CA10: variants seen among roughly 807,000 people sequenced by gnomAD.
The protein encoded by CA10 is carbonic anhydrase 10 (inactive).
CA10 carries 14 observed loss-of-function variants against 44.2 expected under a neutral mutation model. That is an observed-to-expected ratio of 0.32 (90% CI 0.21 to 0.50). CA10 has a LOEUF of 0.50. Ranked by LOEUF, CA10 falls within the 20% of genes least tolerant of loss-of-function variation. The pLI is 0.99. For synonymous variants in CA10, 159 were observed against 141.6 expected (o/e 1.12, Z -0.87); for missense variants, 350 against 409.7 (o/e 0.85, Z 1.26).
intron 4 of CA10, among the ~76,000 whole-genome samples, chr17:51,711,668 A>T (rs943823905): frequency 1.1e-4 from 17 of 152,236 alleles, no homozygotes; most frequent in Non-Finnish European, 1.6e-4. Context: ...GCTGAAACAA[A>T]TATCTAAGCA....
intron 2 of CA10, chr17:52,070,329 T>C (rs1987646260): frequency 3.3e-4 from 1 of 2,996 alleles, no homozygotes; most frequent in South Asian, 0.17. Context: ...CAGTTTGTAA[T>C]TGTCTCCCTC....
At chr17:51,698,904 G>C (rs1915491434) in intron 4 of CA10, among the ~76,000 whole-genome samples, 1 of 152,162 alleles carries the variant, frequency 6.6e-6, no homozygotes, top group South Asian at 2.1e-4. Flanking sequence ...TTTAAGGCTG[G>C]ATGATATTCC....
At chr17:51,732,135 T>A (rs1379080995) in intron 4 of CA10, among the ~76,000 whole-genome samples, 1 of 152,210 alleles carries the variant, frequency 6.6e-6, no homozygotes, top group African/African-American at 2.4e-5. Context: ...TTGAAGCTAA[T>A]GTTAACGCCT....
intron 3 of CA10, among the ~76,000 whole-genome samples, chr17:51,925,973 G>A (rs1167811159): frequency 2.0e-5 from 3 of 152,114 alleles, no homozygotes; most frequent in African/African-American, 7.2e-5. Flanking sequence ...ACTGGGTACA[G>A]AGTTTCAAGT....
intron 3 of CA10, among the ~76,000 whole-genome samples, chr17:51,891,183 C>T (rs772051382): frequency 2.0e-5 from 3 of 152,048 alleles, no homozygotes; most frequent in African/African-American, 4.8e-5. Flanking sequence ...AAGGATCCAC[C>T]GGGCCAAGGT....
chr17:51,729,494 A>C (rs1368208554), intron 4 of CA10, among the ~76,000 whole-genome samples: 2 of 152,160 alleles, frequency 1.3e-5, no homozygotes, highest in Non-Finnish European at 2.9e-5. Context: ...AACTTTCTTA[A>C]GCTAACTGGG....
intron 6 of CA10, 106 bp downstream of exon 6, chr17:51,649,076 T>G: frequency 1.3e-6 from 1 of 746,800 alleles, no homozygotes; most frequent in African/African-American, 1.7e-5. Flanking sequence ...TGCAGGATCA[T>G]GAAACTGAAA....
At chr17:51,975,870 C>G (rs1233124588) in intron 2 of CA10, among the ~76,000 whole-genome samples, 2 of 43,432 alleles carry the variant, frequency 4.6e-5, no homozygotes, top group Admixed American at 3.2e-4. Context: ...GACTCTGTCT[C>G]GGAAAAAAAA....
At position 51,872,046 on chromosome 17, in the gene CA10, AT is replaced by A. The variant is rs961357222; in HGVS notation, c.279+58943del. Among the ~76,000 whole-genome samples, 6 of 152,096 alleles carry A rather than the reference AT, an allele frequency of 3.9e-5. 1 individual carries two copies. Among genetic ancestry groups the A allele is most frequent in the South Asian group, 4.1e-4 (2 of 4,822 alleles). ...ATTTGAATTTTGACTGAGGAATAGG[AT>A]TTTTTTTATTGGTAAAGAAATGGGA... On this transcript the variant is annotated intron_variant, in intron 3 of 8. Coordinates refer to ENST00000451037, the MANE Select transcript of CA10 (RefSeq NM_020178.5).
At chr17:52,028,431 A>G (rs1986365191) in intron 2 of CA10, among the ~76,000 whole-genome samples, 1 of 152,160 alleles carries the variant, frequency 6.6e-6, no homozygotes, top group African/African-American at 2.4e-5. Flanking sequence ...ACTTCAAAAC[A>G]CTTCATGCTT....
At chr17:52,079,247 C>T (rs1181257139) in intron 1 of CA10, among the ~76,000 whole-genome samples, 1 of 152,024 alleles carries the variant, frequency 6.6e-6, no homozygotes, top group African/African-American at 2.4e-5. Context: ...GATTGCACCA[C>T]TGCACTCCAG....
chr17:52,059,885 G>C (rs1870388912), intron 2 of CA10, among the ~76,000 whole-genome samples: 1 of 152,122 alleles, frequency 6.6e-6, no homozygotes, highest in Non-Finnish European at 1.5e-5. Flanking sequence ...AACAATTGAT[G>C]TCATAAAGTA....
At chr17:51,666,550 A>G (rs901955530) in intron 4 of CA10, among the ~76,000 whole-genome samples, 8 of 152,182 alleles carry the variant, frequency 5.3e-5, no homozygotes, top group Non-Finnish European at 1.2e-4. Flanking sequence ...CAGAAATCAC[A>G]TTACCAACTG....
chr17:51,822,364 C>G (rs1218245064), intron 3 of CA10, among the ~76,000 whole-genome samples: 1 of 152,044 alleles, frequency 6.6e-6, no homozygotes, highest in Non-Finnish European at 1.5e-5. Flanking sequence ...TTGCATGAGC[C>G]AGGATCCACC....
intron 2 of CA10, among the ~76,000 whole-genome samples, chr17:51,990,065 T>C (rs936485404): frequency 6.6e-6 from 1 of 152,256 alleles, no homozygotes; most frequent in Middle Eastern, 3.4e-3. Context: ...TAACCAACCA[T>C]TATTTGTTTA....
chr17:52,077,486 G>T (rs927738624), intron 1 of CA10, among the ~76,000 whole-genome samples: 13 of 152,084 alleles, frequency 8.5e-5, no homozygotes, highest in African/African-American at 3.1e-4. Flanking sequence ...CAATATGCAG[G>T]GGTGTAGCTG....
intron 2 of CA10, among the ~76,000 whole-genome samples, chr17:52,055,813 A>C (rs1446450361): frequency 6.6e-6 from 1 of 152,144 alleles, no homozygotes; most frequent in Admixed American, 6.6e-5. Flanking sequence ...TGGGCAACTG[A>C]TATAGTGTTA....
chr17:52,084,020 C>A (rs1988051999), intron 1 of CA10, among the ~76,000 whole-genome samples: 2 of 152,114 alleles, frequency 1.3e-5, no homozygotes, highest in Admixed American at 1.3e-4. Context: ...AAAAAGATAG[C>A]CCTCCCTGAC....
intron 3 of CA10, among the ~76,000 whole-genome samples, chr17:51,858,828 A>T (rs1288449792): frequency 1.3e-5 from 2 of 152,134 alleles, no homozygotes; most frequent in African/African-American, 4.8e-5. Flanking sequence ...CATCTAGGCC[A>T]TATGATGCAG....
Sources: allele counts gnomAD v4.1 joint callset (sites outside exome capture counted in the v4.1 genomes callset), GRCh38; gene constraint gnomAD v4.1.1; transcripts MANE v1.5; gene names NCBI Gene and HGNC (gene_info 2026-07-23, HGNC 2026-07-21).